HAT1: variants seen among roughly 807,000 people sequenced by gnomAD.
HAT1 encodes the protein histone acetyltransferase type B catalytic subunit.
In HAT1, 20 loss-of-function variants were observed where a neutral mutation model predicts 56.6. The ratio of observed to expected loss-of-function variants is 0.35; its 90% CI spans 0.25 to 0.51. HAT1 has a LOEUF of 0.51. HAT1 is among the 20% of genes least tolerant of loss of function. The probability of loss-of-function intolerance (pLI) is 0.95; values close to 1 mark genes in which losing one functional copy is unlikely to be tolerated. For synonymous variants in HAT1, 146 were observed against 165.5 expected (o/e 0.88, Z 0.91); for missense variants, 408 against 504.3 (o/e 0.81, Z 1.83).
chr2:171,941,982 G>T (rs974628164), intron 2 of HAT1, among the ~76,000 whole-genome samples: 13 of 152,208 alleles, frequency 8.5e-5, no homozygotes, highest in African/African-American at 1.4e-4. Context: ...TCGGCTTACT[G>T]CAACCTCTGC....
chr2:171,940,280 G>A (rs1686986517), intron 2 of HAT1, among the ~76,000 whole-genome samples: 1 of 152,026 alleles, frequency 6.6e-6, no homozygotes, highest in Non-Finnish European at 1.5e-5. Flanking sequence ...AAAATATATT[G>A]CACAAAAACA....
At chr2:171,958,134 G>A (rs1345119705) in intron 4 of HAT1, among the ~76,000 whole-genome samples, 1 of 151,908 alleles carries the variant, frequency 6.6e-6, no homozygotes, top group Non-Finnish European at 1.5e-5. Flanking sequence ...TTTAAATTTT[G>A]AGGGATTTGT....
intron 2 of HAT1, among the ~76,000 whole-genome samples, chr2:171,933,278 C>T (rs754263719): frequency 3.3e-5 from 5 of 152,028 alleles, no homozygotes; most frequent in Non-Finnish European, 7.4e-5. Context: ...AGGGTGGTCT[C>T]GAACTCCTGG....
intron 2 of HAT1, among the ~76,000 whole-genome samples, chr2:171,943,410 CA>C (rs377749207): frequency 9.2e-4 from 54 of 58,644 alleles, no homozygotes; most frequent in Admixed American, 1.8e-3. Context: ...GACTCTGTCT[CA>C]AAAAAAAAAA....
At chr2:171,953,707 T>A (rs1390161207) in intron 4 of HAT1, among the ~76,000 whole-genome samples, 3 of 149,526 alleles carry the variant, frequency 2.0e-5, no homozygotes, top group African/African-American at 7.4e-5. Context: ...TAAAATCACA[T>A]TCTCAGGCTG....
At chr2:171,940,441 G>A (rs1186456006) in intron 2 of HAT1, among the ~76,000 whole-genome samples, 1 of 152,092 alleles carries the variant, frequency 6.6e-6, no homozygotes, top group Non-Finnish European at 1.5e-5. Context: ...AGGAACACGC[G>A]CCACCTTTTG....
At chr2:171,944,841 G>T (rs893417947) in intron 2 of HAT1, among the ~76,000 whole-genome samples, 1 of 152,142 alleles carries the variant, frequency 6.6e-6, no homozygotes, top group Admixed American at 6.6e-5. Flanking sequence ...GGTCTGTGAG[G>T]ACAGTGTTAG....
Position 171,983,481 on chromosome 2 carries a change from T to A in HAT1, c.*129T>A. 2.1e-6 allele frequency: 1 copy of A among 478,918 alleles called. No homozygotes were observed. Among genetic ancestry groups the A allele is most frequent in the Non-Finnish European group, 3.8e-6 (1 of 266,114 alleles). The allele number at this position is 478,918 out of a possible 1,614,324, so 29.7% of individuals were successfully genotyped here. Reference sequence around the variant, plus strand: ...TAAAAGTTATCTATCTTTAGTTGAATATTTTCTTTTGGAGAGATTGTATAT... The same window carrying A: ...TAAAAGTTATCTATCTTTAGTTGAAAATTTTCTTTTGGAGAGATTGTATAT... On this transcript the variant is annotated 3_prime_UTR_variant, in exon 11 of 11. Coordinates refer to ENST00000264108, the MANE Select transcript of HAT1 (RefSeq NM_003642.4).
In HAT1 at chr2:171,965,898, T is replaced by C. The variant is rs1687672259; in HGVS notation, c.601T>C (p.Tyr201His). ...FIDVDDERWH[Y>H]FLVFEKYNKD... is the part of the protein sequence containing the mutation. ...TGACGTGGATGATGAAAGATGGCAC[T>C]ACTTTCTAGTGTAAGTACAGTTCTA... The change falls in exon 6 of 11, where the codon TAC becomes CAC. Residue 201 changes from tyrosine (Y) to histidine (H), a missense_variant. Physicochemically the swap from Tyr to His is moderately conservative, Grantham distance 83 (BLOSUM62 2). Coordinates refer to ENST00000264108, the MANE Select transcript of HAT1 (RefSeq NM_003642.4). 1 of 1,612,668 alleles carries C rather than the reference T, an allele frequency of 6.2e-7. No homozygotes were observed. Among genetic ancestry groups the C allele is most frequent in the Non-Finnish European group, 8.5e-7 (1 of 1,178,874 alleles).
Position 171,952,950 on chromosome 2 carries a change from G to A in HAT1, c.258G>A (p.Met86Ile), listed in dbSNP as rs374218833. The change falls in exon 4 of 11, where the codon ATG (methionine) becomes ATA (isoleucine). Residue 86 changes from methionine (M) to isoleucine (I), a missense_variant. By Grantham distance (10) the Met-to-Ile change is conservative. Transcript: ENST00000264108. ...LYYIAGSLST[M>I]FRVEYASKVD... ...ATATTGCTGGTAGCCTGTCAACAAT[G>A]TTCCGTGTTGAATATGCATCTAAAG... The A allele has an allele frequency of 5.6e-6, 9 of 1,594,574 alleles. No individual in the cohort carries two copies. The highest frequency in any genetic ancestry group is 2.2e-5 in the East Asian group (1 of 44,738).
At chr2:171,960,290 A>C (rs1687541863) in intron 4 of HAT1, among the ~76,000 whole-genome samples, 1 of 152,176 alleles carries the variant, frequency 6.6e-6, no homozygotes, top group Non-Finnish European at 1.5e-5. Context: ...GTTGAATTAG[A>C]TGTGACAGAT....
At chr2:171,941,036 G>A (rs1687006055) in intron 2 of HAT1, among the ~76,000 whole-genome samples, 1 of 152,110 alleles carries the variant, frequency 6.6e-6, no homozygotes, top group African/African-American at 2.4e-5. Flanking sequence ...ATAAAATAAT[G>A]GGTTGGCAAC....
At chr2:171,922,909 C>G (rs1574027756) in intron 1 of HAT1, 1 of 190,664 alleles carries the variant, frequency 5.2e-6, no homozygotes, top group East Asian at 1.2e-4. Context: ...CTCAGATCCT[C>G]CTCCTCTTCC....
chr2:171,963,093 A>G (rs1038266115), intron 4 of HAT1, among the ~76,000 whole-genome samples: 5 of 151,786 alleles, frequency 3.3e-5, no homozygotes, highest in African/African-American at 1.2e-4. Context: ...TTTAATAGAG[A>G]AATGCAGACA....
chr2:171,973,033 T>C (rs982550075), intron 8 of HAT1, among the ~76,000 whole-genome samples: 1 of 152,176 alleles, frequency 6.6e-6, no homozygotes, highest in Non-Finnish European at 1.5e-5. Context: ...TTTGTACTTT[T>C]GTTGGCAGTC....
At chr2:171,922,807 T>C (rs1686475776) in intron 1 of HAT1, 1 of 371,124 alleles carries the variant, frequency 2.7e-6, no homozygotes, top group Non-Finnish European at 4.8e-6. Flanking sequence ...CCACATGCCT[T>C]GGGGCCTGTT....
At chr2:171,951,443 G>A (rs984056325) in intron 3 of HAT1, among the ~76,000 whole-genome samples, 11 of 151,638 alleles carry the variant, frequency 7.3e-5, no homozygotes, top group African/African-American at 2.2e-4. Flanking sequence ...TTTTTGAGAC[G>A]GAGTCTTGCT....
intron 2 of HAT1, among the ~76,000 whole-genome samples, chr2:171,943,996 A>G (rs1264840519): frequency 1.3e-5 from 2 of 152,002 alleles, no homozygotes; most frequent in Non-Finnish European, 2.9e-5. Flanking sequence ...AATTTAAAAA[A>G]TTAGTTGTTC....
At position 171,979,377 on chromosome 2, in the gene HAT1, GA is replaced by G; in HGVS notation, c.1092+16del. The G allele has an allele frequency of 1.6e-6, 2 of 1,217,334 alleles. No homozygotes were observed. The highest frequency in any genetic ancestry group is 2.4e-6 in the Non-Finnish European group (2 of 817,736). 75.4% of individuals were successfully genotyped at this position (1,217,334 alleles called of 1,614,324 possible). ...AGCCCATATAAGGTAGGACTTTCAA[GA>G]ATCTTAAACACTGTATTCTTTTCAC... On this transcript the variant is annotated intron_variant, in intron 10 of 10. Transcript: ENST00000264108.
Sources: allele counts gnomAD v4.1 joint callset (sites outside exome capture counted in the v4.1 genomes callset), GRCh38; gene constraint gnomAD v4.1.1; transcripts MANE v1.5; gene names NCBI Gene and HGNC (gene_info 2026-07-23, HGNC 2026-07-21).